SLC39A11: variants seen among roughly 807,000 people sequenced by gnomAD.
The protein encoded by SLC39A11 is solute carrier family 39 member 11, also known as zinc transporter ZIP11.
Under a neutral mutation model 36.1 loss-of-function variants are expected in SLC39A11, and 33 were observed. That is an observed-to-expected ratio of 0.91 (90% confidence interval 0.69 to 1.22). The LOEUF (loss-of-function observed/expected upper bound fraction) is 1.22, where lower values mean the gene tolerates loss of function less well. Ranked by LOEUF, SLC39A11 falls within the 50% of genes most tolerant of loss-of-function variation. The probability of loss-of-function intolerance (pLI) is 0.00; values close to 1 mark genes in which losing one functional copy is unlikely to be tolerated. For missense variants in SLC39A11, 432 were observed against 430.3 expected, an observed-to-expected ratio of 1.00 and a Z score of -0.03; for synonymous variants, 166 against 170.3, an observed-to-expected ratio of 0.97 and a Z score of 0.20.
intron 5 of SLC39A11, among the ~76,000 whole-genome samples, chr17:72,917,939 G>T (rs1465792299): frequency 6.6e-6 from 1 of 152,186 alleles, no homozygotes; most frequent in Non-Finnish European, 1.5e-5. Context: ...GGTGGCCAAG[G>T]AACAGAATGA....
At chr17:72,842,608 T>C (rs550605774) in intron 6 of SLC39A11, among the ~76,000 whole-genome samples, 55 of 152,338 alleles carry the variant, frequency 3.6e-4, no homozygotes, top group Middle Eastern at 6.8e-3. Context: ...CCCTTCAATC[T>C]GTATGATACT....
chr17:72,678,145 G>A (rs753287929), intron 7 of SLC39A11, among the ~76,000 whole-genome samples: 2 of 152,190 alleles, frequency 1.3e-5, no homozygotes, highest in Non-Finnish European at 2.9e-5. Flanking sequence ...TTCCCATAAA[G>A]GGCTGCCATA....
At chr17:72,872,153 A>G (rs1007484654) in intron 5 of SLC39A11, among the ~76,000 whole-genome samples, 12 of 152,162 alleles carry the variant, frequency 7.9e-5, no homozygotes, top group Admixed American at 2.0e-4. Context: ...GTGCCTGGGG[A>G]GGGCAGGTGA....
chr17:72,864,411 G>T (rs2080197844), intron 5 of SLC39A11, among the ~76,000 whole-genome samples: 1 of 150,712 alleles, frequency 6.6e-6, no homozygotes, highest in African/African-American at 2.4e-5. Flanking sequence ...GGCTTTACCT[G>T]CAGATCTGTC....
rs2075847992 is a variant in SLC39A11, at chr17:72,769,105, G to T, written c.602-32386C>A. Among the ~76,000 whole-genome samples the T allele has an allele frequency of 2.6e-5, 4 of 152,166 alleles. No individual in the cohort carries two copies. The South Asian group carries it at 8.3e-4, about 32-fold the overall frequency. On this transcript the variant is annotated intron_variant, in intron 6 of 9. Coordinates refer to ENST00000255559, the MANE Select transcript of SLC39A11 (RefSeq NM_139177.4). ...ACATTTAACAAACGACTTCCCCCAG[G>T]CCACCCTTCTCTGCTCACCACCCTC...
chr17:72,982,530 C>T (rs1272808979), intron 4 of SLC39A11, among the ~76,000 whole-genome samples: 1 of 152,152 alleles, frequency 6.6e-6, no homozygotes, highest in African/African-American at 2.4e-5. Flanking sequence ...CCATATCGGT[C>T]AACTGATAAA....
Position 73,082,126 on chromosome 17 carries a change from GAA to G in SLC39A11, c.147+2680_147+2681del, listed in dbSNP as rs1226809670. 3.2e-3 allele frequency among the ~76,000 whole-genome samples: 378 copies of G among 117,902 alleles called. 3 individuals carry two copies. The highest frequency in any genetic ancestry group is 6.6e-3 in the Admixed American group (68 of 10,304). 77.3% of individuals were successfully genotyped at this position (117,902 alleles called of 152,430 possible). A position where few individuals can be genotyped will look rare whatever the true frequency, so the allele number is the denominator to read the frequency against. On this transcript the variant is annotated intron_variant, in intron 3 of 9. Transcript: ENST00000255559. The stretch of plus-strand genomic sequence containing the variant: ...AAAACCTACTGAAACTAAAAAAAAA[GAA>G]AAAAAAAAAAAAAAGGGCAAAAATA...
intron 5 of SLC39A11, among the ~76,000 whole-genome samples, chr17:72,942,129 G>A (rs939937824): frequency 2.0e-5 from 3 of 151,536 alleles, no homozygotes; most frequent in African/African-American, 7.2e-5. Context: ...CTCCTGACCT[G>A]AGGTGATCCA....
At chr17:72,697,685 C>T (rs910181435) in intron 7 of SLC39A11, among the ~76,000 whole-genome samples, 1 of 152,144 alleles carries the variant, frequency 6.6e-6, no homozygotes, top group Non-Finnish European at 1.5e-5. Context: ...GAGTCATATC[C>T]CCTGGCAGGG....
chr17:73,007,587 G>A (rs1027755689), intron 4 of SLC39A11, among the ~76,000 whole-genome samples: 1 of 152,186 alleles, frequency 6.6e-6, no homozygotes, highest in African/African-American at 2.4e-5. Context: ...GGCTCAAAAA[G>A]ACAAACAGTG....
intron 5 of SLC39A11, among the ~76,000 whole-genome samples, chr17:72,860,033 AG>A (rs2079886190): frequency 1.0e-5 from 1 of 96,000 alleles, no homozygotes; most frequent in Non-Finnish European, 2.2e-5. Flanking sequence ...AGGGGAGGGG[AG>A]GGGAGGGGAG....
chr17:72,873,171 C>G (rs1408406031), intron 5 of SLC39A11, among the ~76,000 whole-genome samples: 4 of 151,994 alleles, frequency 2.6e-5, no homozygotes, highest in Non-Finnish European at 5.9e-5. Context: ...ATTATAAAAC[C>G]TAAGACTGGT....
chr17:72,861,688 TAAAATATATATATTGG>T (rs2080027521), intron 5 of SLC39A11, among the ~76,000 whole-genome samples: 3 of 88,794 alleles, frequency 3.4e-5, no homozygotes, highest in African/African-American at 8.9e-5. Context: ...TATATATATA[TAAAATATATATATTGG>T]ATATATATAG....
At chr17:72,815,181 C>T (rs1297995567) in intron 6 of SLC39A11, among the ~76,000 whole-genome samples, 1 of 152,128 alleles carries the variant, frequency 6.6e-6, no homozygotes, top group Non-Finnish European at 1.5e-5. Context: ...CTCATCAATA[C>T]CTAAAACTTA....
chr17:72,905,421 C>T (rs549565523), intron 5 of SLC39A11, among the ~76,000 whole-genome samples: 1 of 151,854 alleles, frequency 6.6e-6, no homozygotes, highest in East Asian at 1.9e-4. Context: ...CATGGTAAAA[C>T]CCCATCTCTA....
At chr17:73,069,627 A>T (rs189572381) in intron 3 of SLC39A11, among the ~76,000 whole-genome samples, 2 of 152,330 alleles carry the variant, frequency 1.3e-5, no homozygotes, top group African/African-American at 4.8e-5. Flanking sequence ...ATGCAATCCA[A>T]CCGCAGCCTC....
chr17:72,825,209 GC>G (rs2077967652), intron 6 of SLC39A11, among the ~76,000 whole-genome samples: 1 of 140,740 alleles, frequency 7.1e-6, no homozygotes, highest in Non-Finnish European at 1.7e-5. Flanking sequence ...ACTGCTCCCT[GC>G]ATCCCAGCCA....
intron 3 of SLC39A11, among the ~76,000 whole-genome samples, chr17:73,078,074 TA>T (rs1340898614): frequency 1.3e-5 from 2 of 151,836 alleles, no homozygotes; most frequent in Non-Finnish European, 2.9e-5. Flanking sequence ...CCGTCTCTAC[TA>T]AAAATACAAA....
rs547287634 is a variant in SLC39A11, at chr17:72,734,984, G to A, written c.671+1666C>T. On this transcript the variant is annotated intron_variant, in intron 7 of 9. Coordinates refer to ENST00000255559, the MANE Select transcript of SLC39A11 (RefSeq NM_139177.4). ...TACATGCCCCCACCCCAGGCCCCGC[G>A]CTTAGAAGAGCAGTCTGCAGGGTGT... 5.9e-5 allele frequency among the ~76,000 whole-genome samples: 9 copies of A among 152,242 alleles called. No homozygotes were observed. In the East Asian group the frequency reaches 1.2e-3, roughly 20 times the overall value.
Sources: allele counts gnomAD v4.1 joint callset (sites outside exome capture counted in the v4.1 genomes callset), GRCh38; gene constraint gnomAD v4.1.1; transcripts MANE v1.5; gene names NCBI Gene and HGNC (gene_info 2026-07-23, HGNC 2026-07-21).